Variants in ITPR2 observed in about 807,000 individuals in gnomAD.
ITPR2 encodes the protein inositol 1,4,5-trisphosphate-gated calcium channel ITPR2.
ITPR2 carries 207 observed loss-of-function variants against 317.1 expected under a neutral mutation model. That is an observed-to-expected ratio of 0.65 (90% CI 0.58 to 0.73). The LOEUF is 0.73. Ranked by LOEUF, ITPR2 falls within the 30% of genes least tolerant of loss-of-function variation. The pLI is 0.00. For synonymous variants in ITPR2, 1,156 were observed against 1,149.1 expected (o/e 1.01, Z -0.12); for missense variants, 2,613 against 3,284.0 (o/e 0.80, Z 4.99).
chr12:26,577,611 AT>A (rs2137068730), intron 34 of ITPR2, among the ~76,000 whole-genome samples: 1 of 152,286 alleles, frequency 6.6e-6, no homozygotes, highest in South Asian at 2.1e-4. Flanking sequence ...TTTATAATTA[AT>A]TACTTAAGTC....
chr12:26,412,100 C>G (rs932854377), intron 51 of ITPR2, among the ~76,000 whole-genome samples: 5 of 152,108 alleles, frequency 3.3e-5, no homozygotes, highest in African/African-American at 4.8e-5. Flanking sequence ...CCTCTCAAAC[C>G]TATTTTTCCC....
intron 34 of ITPR2, among the ~76,000 whole-genome samples, chr12:26,575,507 G>A (rs1407292148): frequency 6.6e-6 from 1 of 152,004 alleles, no homozygotes; most frequent in Non-Finnish European, 1.5e-5. Flanking sequence ...CAAGGAAAAC[G>A]AAGAAGGCAT....
intron 48 of ITPR2, among the ~76,000 whole-genome samples, chr12:26,430,193 G>A (rs1384246892): frequency 6.6e-6 from 1 of 152,172 alleles, no homozygotes; most frequent in Admixed American, 6.5e-5. Flanking sequence ...ACTTCTCTAA[G>A]AATGATCATA....
At chr12:26,683,942 A>G (rs968061663) in intron 11 of ITPR2, among the ~76,000 whole-genome samples, 5 of 152,238 alleles carry the variant, frequency 3.3e-5, no homozygotes, top group Admixed American at 3.3e-4. Context: ...AATACGTCTT[A>G]AAACATAAGG....
chr12:26,734,183 C>T (rs1352472685), intron 2 of ITPR2, among the ~76,000 whole-genome samples: 1 of 152,162 alleles, frequency 6.6e-6, no homozygotes, highest in Non-Finnish European at 1.5e-5. Context: ...AGAGCTCTAA[C>T]CTAAAATTTC....
At chr12:26,374,556 G>T (rs998059312) in intron 55 of ITPR2, among the ~76,000 whole-genome samples, 24 of 152,188 alleles carry the variant, frequency 1.6e-4, no homozygotes, top group Non-Finnish European at 3.1e-4. Context: ...TTTAAAGTTA[G>T]CCATATTATT....
intron 37 of ITPR2, among the ~76,000 whole-genome samples, chr12:26,545,485 G>C (rs1944373973): frequency 2.0e-5 from 3 of 152,134 alleles, no homozygotes; most frequent in Non-Finnish European, 2.9e-5. Flanking sequence ...CCAGAATCCA[G>C]AAAAGGCAAG....
At chr12:26,401,402 A>G (rs1224535362) in intron 52 of ITPR2, among the ~76,000 whole-genome samples, 1 of 152,204 alleles carries the variant, frequency 6.6e-6, no homozygotes, top group Non-Finnish European at 1.5e-5. Flanking sequence ...CAATGTATTT[A>G]TGTGAAAAAT....
At chr12:26,364,130 AT>A (rs1220712779) in intron 55 of ITPR2, among the ~76,000 whole-genome samples, 6 of 152,106 alleles carry the variant, frequency 3.9e-5, no homozygotes, top group African/African-American at 1.4e-4. Context: ...AGAATAAAAA[AT>A]ATGGCGGGTC....
intron 54 of ITPR2, among the ~76,000 whole-genome samples, chr12:26,398,230 C>G (rs1168082446): frequency 1.3e-5 from 2 of 152,106 alleles, no homozygotes; most frequent in Non-Finnish European, 2.9e-5. Context: ...CGAGACCAGC[C>G]TGGCCAACAT....
intron 2 of ITPR2, among the ~76,000 whole-genome samples, chr12:26,789,525 C>A (rs569881724): frequency 6.6e-6 from 1 of 152,230 alleles, no homozygotes; most frequent in South Asian, 2.1e-4. Context: ...TAATTATGTA[C>A]CAATTATGAA....
At chr12:26,551,299 C>T (rs1427487730) in intron 36 of ITPR2, among the ~76,000 whole-genome samples, 2 of 152,122 alleles carry the variant, frequency 1.3e-5, no homozygotes, top group Non-Finnish European at 2.9e-5. Context: ...CCAGGGACTC[C>T]CAATTTACCC....
chr12:26,512,245 T>C (rs1277326206), intron 37 of ITPR2, among the ~76,000 whole-genome samples: 1 of 150,934 alleles, frequency 6.6e-6, no homozygotes, highest in African/African-American at 2.4e-5. Flanking sequence ...GAAGATTCCT[T>C]GTGGGCCTCC....
chr12:26,499,793 T>A (rs1943030632), intron 37 of ITPR2, among the ~76,000 whole-genome samples: 1 of 152,212 alleles, frequency 6.6e-6, no homozygotes, highest in African/African-American at 2.4e-5. Context: ...CCCTAAATCC[T>A]AGCTTTTTAA....
At chr12:26,828,356 A>T (rs997739617) in intron 1 of ITPR2, among the ~76,000 whole-genome samples, 13 of 152,244 alleles carry the variant, frequency 8.5e-5, no homozygotes, top group African/African-American at 2.7e-4. Flanking sequence ...CCGAGGTAAA[A>T]AATAGGGAGT....
chr12:26,742,952 G>A (rs1485488256), intron 2 of ITPR2, among the ~76,000 whole-genome samples: 1 of 152,154 alleles, frequency 6.6e-6, no homozygotes, highest in Non-Finnish European at 1.5e-5. Flanking sequence ...TTCAGAATAG[G>A]CAAATGTATA....
At chr12:26,773,655 A>G (rs924648945) in intron 2 of ITPR2, among the ~76,000 whole-genome samples, 1 of 152,244 alleles carries the variant, frequency 6.6e-6, no homozygotes, top group African/African-American at 2.4e-5. Context: ...ACAGTGGTTC[A>G]TGAGACTTCC....
At chr12:26,351,999 T>C (rs1479855224) in intron 55 of ITPR2, among the ~76,000 whole-genome samples, 1 of 152,140 alleles carries the variant, frequency 6.6e-6, no homozygotes, top group Non-Finnish European at 1.5e-5. Flanking sequence ...TGGAATAGGG[T>C]ATTGAATACT....
intron 37 of ITPR2, among the ~76,000 whole-genome samples, chr12:26,542,575 T>G (rs892672886): frequency 2.0e-5 from 3 of 152,234 alleles, no homozygotes; most frequent in Non-Finnish European, 4.4e-5. Context: ...CAGTACTGTC[T>G]GATAATAACA....
Sources: allele counts gnomAD v4.1 joint callset (sites outside exome capture counted in the v4.1 genomes callset), GRCh38; gene constraint gnomAD v4.1.1; transcripts MANE v1.5; gene names NCBI Gene and HGNC (gene_info 2026-07-23, HGNC 2026-07-21).